CFAP54: variants seen among roughly 807,000 people sequenced by gnomAD.
CFAP54 encodes the protein cilia- and flagella-associated protein 54.
A neutral mutation model predicts 370.4 loss-of-function variants in CFAP54; 290 were observed. The ratio of observed to expected loss-of-function variants is 0.78; its 90% confidence interval spans 0.71 to 0.86. The LOEUF (loss-of-function observed/expected upper bound fraction) is 0.86. Among genes scored for constraint, CFAP54 ranks in the 40% least tolerant of loss-of-function variants. The pLI is 0.00. For missense variants in CFAP54, 3,399 were observed against 3,528.7 expected (o/e 0.96, Z 0.93); for synonymous variants, 1,206 against 1,236.5 (o/e 0.98, Z 0.52).
At chr12:96,811,929 A>G (rs1442500496) in intron 64 of CFAP54, 87 bp downstream of exon 64, 2 of 732,140 alleles carry the variant, frequency 2.7e-6, no homozygotes, top group Non-Finnish European at 4.2e-6. Context: ...GGTGTAGCAT[A>G]GGAGACCTGC....
intron 1 of CFAP54, among the ~76,000 whole-genome samples, chr12:96,499,100 C>G (rs1954992701): frequency 6.6e-6 from 1 of 152,104 alleles, no homozygotes; most frequent in Admixed American, 6.6e-5. Flanking sequence ...TCCTGAGTAG[C>G]AGGGACTACA....
At chr12:96,752,117 A>T (rs1037178161) in intron 55 of CFAP54, among the ~76,000 whole-genome samples, 2 of 151,450 alleles carry the variant, frequency 1.3e-5, no homozygotes, top group African/African-American at 4.9e-5. Context: ...AGAGAGAGAG[A>T]GAGAGAGAGA....
intron 60 of CFAP54, among the ~76,000 whole-genome samples, chr12:96,776,103 A>T (rs1350580926): frequency 6.6e-6 from 1 of 152,158 alleles, no homozygotes; most frequent in Admixed American, 6.5e-5. Context: ...AGAAAGTTGT[A>T]ATTTTAGGGG....
chr12:96,708,953 T>C, intron 48 of CFAP54, 150 bp downstream of exon 48: 1 of 628,260 alleles, frequency 1.6e-6, no homozygotes, highest in Non-Finnish European at 2.7e-6. Context: ...TACTTATGTC[T>C]AGGTGTATGC....
At chr12:96,628,568 A>G (rs1956570511) in intron 30 of CFAP54, among the ~76,000 whole-genome samples, 1 of 152,210 alleles carries the variant, frequency 6.6e-6, no homozygotes, top group Non-Finnish European at 1.5e-5. Flanking sequence ...TTAGGCTGCA[A>G]GTTGTGGAGG....
intron 58 of CFAP54, among the ~76,000 whole-genome samples, chr12:96,761,230 A>C (rs11108683): frequency 0.36 from 55,080 of 151,704 alleles, 10,696 homozygotes; most frequent in East Asian, 0.58. Context: ...ATGCTTGGAT[A>C]TTTTCATGTG....
intron 66 of CFAP54, among the ~76,000 whole-genome samples, chr12:96,850,253 G>A (rs1406897121): frequency 6.6e-6 from 1 of 151,518 alleles, no homozygotes; most frequent in African/African-American, 2.4e-5. Context: ...CCGGGCATGA[G>A]GCTGAGGCAG....
At chr12:96,739,469 C>T (rs1958024661) in intron 50 of CFAP54, among the ~76,000 whole-genome samples, 1 of 152,072 alleles carries the variant, frequency 6.6e-6, no homozygotes, top group South Asian at 2.1e-4. Context: ...AGAGATTAAA[C>T]AATAATTTAG....
intron 26 of CFAP54, among the ~76,000 whole-genome samples, chr12:96,607,941 C>T (rs755113265): frequency 1.9e-4 from 29 of 151,932 alleles, no homozygotes; most frequent in Admixed American, 1.0e-3. Context: ...TTCAGAAGTG[C>T]GGGCATTTAA....
chr12:96,677,182 TA>T (rs201260039), intron 39 of CFAP54, among the ~76,000 whole-genome samples: 175 of 122,248 alleles, frequency 1.4e-3, no homozygotes, highest in African/African-American at 4.5e-3. Context: ...TATTTTATTT[TA>T]TTTTTTTTGT....
chr12:96,665,341 A>G (rs551727137), intron 39 of CFAP54, among the ~76,000 whole-genome samples: 8 of 151,956 alleles, frequency 5.3e-5, no homozygotes, highest in Admixed American at 1.3e-4. Flanking sequence ...CCATTTGTCA[A>G]TTTTTGCTTT....
At chr12:96,822,537 A>T (rs957897681) in intron 65 of CFAP54, among the ~76,000 whole-genome samples, 1 of 152,168 alleles carries the variant, frequency 6.6e-6, no homozygotes, top group Non-Finnish European at 1.5e-5. Flanking sequence ...AGGTGAGAAT[A>T]TACAGAAATC....
intron 35 of CFAP54, among the ~76,000 whole-genome samples, chr12:96,650,718 C>G (rs1003186411): frequency 6.6e-6 from 1 of 152,106 alleles, no homozygotes; most frequent in Admixed American, 6.5e-5. Context: ...TCTATCCTTT[C>G]TAGATAAGAA....
intron 30 of CFAP54, among the ~76,000 whole-genome samples, chr12:96,627,835 G>T (rs549287219): frequency 1.6e-4 from 24 of 152,238 alleles, no homozygotes; most frequent in Non-Finnish European, 3.1e-4. Flanking sequence ...TGATTCCAAA[G>T]AAAAACAGAA....
intron 26 of CFAP54, among the ~76,000 whole-genome samples, chr12:96,606,551 G>T (rs1956303046): frequency 6.6e-6 from 1 of 152,192 alleles, no homozygotes; most frequent in South Asian, 2.1e-4. Context: ...TAGCTCAAAG[G>T]CTTGCAGGAA....
In CFAP54 at chr12:96,700,257, G is replaced by A. The variant is rs143851397; in HGVS notation, c.6474+164G>A. Reference sequence around the variant, plus strand: ...ATCAGGATTTTATGAGGTTTCATTTGTCTGGGTTGGAAGAGTGTCATGGGG... The same window carrying A: ...ATCAGGATTTTATGAGGTTTCATTTATCTGGGTTGGAAGAGTGTCATGGGG... On this transcript the variant is annotated intron_variant, in intron 46 of 67. Transcript: ENST00000524981. Among the ~76,000 whole-genome samples, 217 of 152,258 alleles carry A rather than the reference G, an allele frequency of 1.4e-3. 1 individual carries two copies. Among genetic ancestry groups the A allele is most frequent in the African/African-American group, 5.0e-3 (209 of 41,544 alleles).
intron 60 of CFAP54, among the ~76,000 whole-genome samples, chr12:96,769,861 G>T (rs1286238282): frequency 6.6e-6 from 1 of 152,158 alleles, no homozygotes; most frequent in African/African-American, 2.4e-5. Flanking sequence ...AATACAAAAA[G>T]AGATCTATGG....
At chr12:96,552,444 A>G (rs1191764886) in intron 15 of CFAP54, among the ~76,000 whole-genome samples, 1 of 151,920 alleles carries the variant, frequency 6.6e-6, no homozygotes, top group African/African-American at 2.4e-5. Flanking sequence ...CCCGGGTTCA[A>G]GTGATTCTCA....
chr12:96,816,700 C>T (rs936186441), intron 64 of CFAP54, among the ~76,000 whole-genome samples: 1 of 152,170 alleles, frequency 6.6e-6, no homozygotes, highest in African/African-American at 2.4e-5. Flanking sequence ...TGAATGGAGA[C>T]ATGCATGTGC....
Sources: gnomAD v4.1 joint callset for allele counts (sites outside exome capture counted in the v4.1 genomes callset) on GRCh38, gnomAD v4.1.1 for gene constraint, MANE v1.5 for transcripts, NCBI Gene and HGNC (gene_info 2026-07-23, HGNC 2026-07-21) for gene names.